The following CRTAC1 variants were observed in gnomAD, a reference collection of about 807,000 sequenced individuals.
CRTAC1 encodes cartilage acidic protein 1, also known as acidic secreted protein in cartilage.
Under a neutral mutation model 67.8 loss-of-function variants are expected in CRTAC1, and 37 were observed. That is an observed-to-expected ratio of 0.55 (90% confidence interval 0.42 to 0.72). The LOEUF (loss-of-function observed/expected upper bound fraction) is 0.72, where lower values mean the gene tolerates loss of function less well. Ranked by LOEUF, CRTAC1 falls within the 30% of genes least tolerant of loss-of-function variation. The pLI, the probability that CRTAC1 is intolerant of heterozygous loss-of-function variation, is 0.00. For missense variants in CRTAC1, 780 were observed against 931.6 expected (o/e 0.84, Z 2.12); for synonymous variants, 348 against 371.0 (o/e 0.94, Z 0.71).
At chr10:97,903,149 C>A (rs751831245) in intron 7 of CRTAC1, among the ~76,000 whole-genome samples, 2 of 149,908 alleles carry the variant, frequency 1.3e-5, no homozygotes, top group South Asian at 2.2e-4. Context: ...TGGGGAGGGG[C>A]CTTCGGAAGA....
At chr10:97,923,476 G>A (rs2050870680) in intron 3 of CRTAC1, 76 bp from the exon 4 acceptor site, 8 of 1,581,400 alleles carry the variant, frequency 5.1e-6, no homozygotes, top group Non-Finnish European at 6.1e-6. Context: ...TATGTCTCAT[G>A]GCACCTTTCA....
At chr10:97,976,605 T>C (rs1488426764) in intron 2 of CRTAC1, among the ~76,000 whole-genome samples, 1 of 152,230 alleles carries the variant, frequency 6.6e-6, no homozygotes, top group Non-Finnish European at 1.5e-5. Context: ...TTACTAAAAA[T>C]GCTCATCCCT....
chr10:97,956,518 T>C (rs1308248788), intron 2 of CRTAC1, among the ~76,000 whole-genome samples: 1 of 152,012 alleles, frequency 6.6e-6, no homozygotes, highest in African/African-American at 2.4e-5. Flanking sequence ...GAAAGGATCT[T>C]ATCCTTCTCA....
rs200673379 is a variant in CRTAC1 at position 97,969,829 on chromosome 10, CT to C, written c.225-33464del. Reference sequence around the variant, plus strand: ...GGCAGTAGGCTTAGTCATTGGGTATCTCCTCTCCCATCCATTTTCACTCCTT... The same window carrying C: ...GGCAGTAGGCTTAGTCATTGGGTATCCCTCTCCCATCCATTTTCACTCCTT... On this transcript the variant is annotated intron_variant, in intron 2 of 14. Transcript: ENST00000370597. Among the ~76,000 whole-genome samples, 550 of 152,262 alleles carry C rather than the reference CT, an allele frequency of 3.6e-3. 6 individuals carry two copies. In the East Asian group the frequency reaches 0.039, roughly 11 times the overall value.
intron 11 of CRTAC1, among the ~76,000 whole-genome samples, chr10:97,888,265 A>G (rs2050315241): frequency 6.6e-6 from 1 of 152,244 alleles, no homozygotes. Context: ...GTGCCACAAC[A>G]GCACTGTTAC....
intron 2 of CRTAC1, among the ~76,000 whole-genome samples, chr10:97,955,083 T>C (rs1228797572): frequency 3.3e-5 from 5 of 152,218 alleles, no homozygotes; most frequent in African/African-American, 1.2e-4. Context: ...GGGAGTGTAC[T>C]AGATGCTTCA....
intron 14 of CRTAC1, chr10:97,869,582 CGG>C (rs1279726305): frequency 1.3e-5 from 2 of 152,388 alleles, no homozygotes; most frequent in Admixed American, 1.3e-4. Flanking sequence ...GGCCACAGGG[CGG>C]GTGTGTGTGA....
At chr10:97,983,770 G>A (rs932837677) in intron 2 of CRTAC1, among the ~76,000 whole-genome samples, 7 of 152,172 alleles carry the variant, frequency 4.6e-5, no homozygotes, top group African/African-American at 7.2e-5. Flanking sequence ...GGGTGTGGCC[G>A]GGTGACCATA....
intron 2 of CRTAC1, among the ~76,000 whole-genome samples, chr10:98,009,503 C>T (rs1353469491): frequency 1.3e-5 from 2 of 152,192 alleles, no homozygotes; most frequent in Non-Finnish European, 2.9e-5. Context: ...ATGACTACCC[C>T]GTGAGGCAGG....
At chr10:97,919,317 T>C (rs1045388480) in intron 4 of CRTAC1, among the ~76,000 whole-genome samples, 1 of 152,140 alleles carries the variant, frequency 6.6e-6, no homozygotes, top group African/African-American at 2.4e-5. Flanking sequence ...CACCTAACTA[T>C]GGGAAGTTCT....
intron 2 of CRTAC1, among the ~76,000 whole-genome samples, chr10:97,995,081 C>A (rs1842534547): frequency 6.6e-6 from 1 of 152,214 alleles, no homozygotes; most frequent in African/African-American, 2.4e-5. Flanking sequence ...GGGAAGATGG[C>A]TGCTGAGGGG....
intron 2 of CRTAC1, among the ~76,000 whole-genome samples, chr10:97,978,831 T>C (rs1046384200): frequency 2.0e-5 from 3 of 152,232 alleles, no homozygotes; most frequent in African/African-American, 7.2e-5. Context: ...GTTGTCTGTT[T>C]GGTGGTTCCT....
At chr10:97,904,851 C>T (rs2050589320) in intron 6 of CRTAC1, 37 bp from the exon 7 acceptor site, 1 of 1,558,860 alleles carries the variant, frequency 6.4e-7, no homozygotes, top group African/African-American at 1.4e-5. Flanking sequence ...GGGCGGCATC[C>T]CCTGCACACT....
At chr10:97,911,160 C>T (rs575774029) in intron 5 of CRTAC1, among the ~76,000 whole-genome samples, 4 of 152,324 alleles carry the variant, frequency 2.6e-5, no homozygotes, top group South Asian at 2.1e-4. Context: ...CAGCCCTGCC[C>T]GGGCCCCTGG....
At chr10:97,880,988 G>A (rs2050206196) in intron 13 of CRTAC1, among the ~76,000 whole-genome samples, 1 of 152,076 alleles carries the variant, frequency 6.6e-6, no homozygotes, top group East Asian at 1.9e-4. Flanking sequence ...ACCTCTCTCT[G>A]TCACCTCTTT....
chr10:97,884,597 GGT>G (rs1217859537), intron 11 of CRTAC1: 30 of 439,460 alleles, frequency 6.8e-5, no homozygotes, highest in Non-Finnish European at 2.4e-5. Flanking sequence ...AGTAGCCACT[GGT>G]AACATGTGGC....
At chr10:97,933,912 G>A (rs1428686264) in intron 3 of CRTAC1, among the ~76,000 whole-genome samples, 2 of 152,188 alleles carry the variant, frequency 1.3e-5, no homozygotes, top group African/African-American at 2.4e-5. Context: ...ATTGACTGGA[G>A]TGCAGCTTAG....
intron 2 of CRTAC1, among the ~76,000 whole-genome samples, chr10:97,988,926 G>T (rs1258328028): frequency 6.6e-6 from 1 of 152,226 alleles, no homozygotes; most frequent in African/African-American, 2.4e-5. Flanking sequence ...GAGGAGATCA[G>T]CATTTGAATC....
At chr10:97,925,544 T>G (rs2050900177) in intron 3 of CRTAC1, among the ~76,000 whole-genome samples, 1 of 137,696 alleles carries the variant, frequency 7.3e-6, no homozygotes, top group Non-Finnish European at 1.6e-5. Context: ...GGAGTCAGAG[T>G]GAGTGTTGAG....
Sources: allele counts gnomAD v4.1 joint callset (sites outside exome capture counted in the v4.1 genomes callset), GRCh38; gene constraint gnomAD v4.1.1; transcripts MANE v1.5; gene names NCBI Gene and HGNC (gene_info 2026-07-23, HGNC 2026-07-21).